The following BUB1B variants were observed in gnomAD, a reference collection of about 807,000 sequenced individuals.
BUB1B encodes BUB1 mitotic checkpoint serine/threonine kinase B.
A neutral mutation model predicts 137.7 loss-of-function variants in BUB1B; 86 were observed. The ratio of observed to expected loss-of-function variants is 0.62; its 90% CI spans 0.52 to 0.75. BUB1B has a LOEUF of 0.75. Among genes scored for constraint, BUB1B ranks in the 30% least tolerant of loss-of-function variants. BUB1B has a pLI of 0.00. For synonymous variants in BUB1B, 420 were observed against 417.9 expected (o/e 1.00, Z -0.06); for missense variants, 1,130 against 1,236.9 (o/e 0.91, Z 1.30).
At chr15:40,181,110 T>C (rs1244534435) in intron 5 of BUB1B, among the ~76,000 whole-genome samples, 2 of 134,380 alleles carry the variant, frequency 1.5e-5, no homozygotes, top group African/African-American at 2.7e-5. Context: ...TTTTTTTTTT[T>C]AGACAGAGTC....
At chr15:40,197,931 G>C (rs962739686) in intron 9 of BUB1B, among the ~76,000 whole-genome samples, 4 of 152,074 alleles carry the variant, frequency 2.6e-5, no homozygotes, top group African/African-American at 9.7e-5. Context: ...ATATGAACCA[G>C]AAAAGGAACT....
intron 18 of BUB1B, among the ~76,000 whole-genome samples, chr15:40,211,026 C>T (rs561373225): frequency 6.6e-6 from 1 of 152,282 alleles, no homozygotes; most frequent in African/African-American, 2.4e-5. Flanking sequence ...TATTTTTCCC[C>T]TCAGTTTTCT....
chr15:40,173,295 T>TAAAAAAAAAAAA (rs61078619), intron 4 of BUB1B, among the ~76,000 whole-genome samples: 3 of 85,884 alleles, frequency 3.5e-5, no homozygotes, highest in African/African-American at 7.4e-5. Context: ...GAAAAAAAGA[T>TAAAAAAAAAAAA]AAAAAAAAAA....
At chr15:40,209,202 G>A (rs759208146) in intron 16 of BUB1B, among the ~76,000 whole-genome samples, 3 of 152,158 alleles carry the variant, frequency 2.0e-5, no homozygotes, top group East Asian at 3.9e-4. Flanking sequence ...GGTGGATCAC[G>A]AGGGTCAGGA....
chr15:40,196,872 C>G, intron 9 of BUB1B, 98 bp downstream of exon 9: 1 of 1,089,158 alleles, frequency 9.2e-7, no homozygotes, highest in Admixed American at 1.9e-5. Context: ...ATAGTTTGTA[C>G]CTTTGTATGA....
At chr15:40,169,239 T>C (rs1384878299) in intron 2 of BUB1B, among the ~76,000 whole-genome samples, 1 of 152,222 alleles carries the variant, frequency 6.6e-6, no homozygotes, top group Non-Finnish European at 1.5e-5. Flanking sequence ...AAATTATTTA[T>C]AGTATTATTC....
In BUB1B at chr15:40,220,631, G is replaced by T; in HGVS notation, c.3025G>T (p.Val1009Leu). 1.9e-6 allele frequency: 3 copies of T among 1,614,218 alleles called. No homozygotes were observed. Among genetic ancestry groups the T allele is most frequent in the Non-Finnish European group, 2.5e-6 (3 of 1,180,042 alleles). The change falls in exon 23 of 23, where the codon GTG becomes TTG. Residue 1009 changes from valine to leucine, a missense_variant. Coordinates refer to ENST00000287598, the MANE Select transcript of BUB1B (RefSeq NM_001211.6). ...TCTGAATGCCAATGATGAGGCCACAGTGTCTGTTCTTGGGGAGCTTGCAGC... is the reference window on the plus strand; with the variant it reads ...TCTGAATGCCAATGATGAGGCCACATTGTCTGTTCTTGGGGAGCTTGCAGC... ...RILNANDEAT[V>L]SVLGELAAEM...
chr15:40,178,130 CTT>C (rs1412706226), intron 5 of BUB1B, among the ~76,000 whole-genome samples: 1 of 149,006 alleles, frequency 6.7e-6, no homozygotes, highest in Non-Finnish European at 1.5e-5. Context: ...ACTTGCTCTT[CTT>C]TTTGTAGTTT....
chr15:40,165,314 G>A, intron 2 of BUB1B, 118 bp downstream of exon 2: 1 of 1,348,270 alleles, frequency 7.4e-7, no homozygotes, highest in South Asian at 1.2e-5. Context: ...GGTAGTATGA[G>A]AATCTGTTCT....
chr15:40,217,311 TC>T (rs2037807132), intron 20 of BUB1B, 184 bp from the exon 21 acceptor site: 1 of 631,054 alleles, frequency 1.6e-6, no homozygotes, highest in African/African-American at 1.8e-5. Flanking sequence ...GTGGTGACAT[TC>T]CTTCCGCATT....
At position 40,202,389 on chromosome 15, in the gene BUB1B, G is replaced by T. The variant is rs372690199; in HGVS notation, c.1568-16G>T. 1.9e-6 allele frequency: 3 copies of T among 1,588,574 alleles called. No homozygotes were observed. The highest frequency in any genetic ancestry group is 8.6e-7 in the Non-Finnish European group (1 of 1,159,056). On this transcript the variant is annotated splice_polypyrimidine_tract_variant and intron_variant, in intron 12 of 22. Transcript: ENST00000287598. ...CATTTACTCCTAGAGTATGTATCTA[G>T]TCTCTCTTTCTCTAGGTCCCAGTGT...
chr15:40,207,323 G>T (rs1162755504), intron 15 of BUB1B, among the ~76,000 whole-genome samples: 2 of 152,114 alleles, frequency 1.3e-5, no homozygotes, highest in Non-Finnish European at 2.9e-5. Flanking sequence ...ATTTTGAGAG[G>T]CCAGATGCAG....
At position 40,220,814 on chromosome 15, in the gene BUB1B, AAC is replaced by A. The variant is rs757105116; in HGVS notation, c.*58_*59del. ...CCTCAGAGCAATGGTTGTATTGTGG[AAC>A]ACTGAAACTGTATGTGCTGTAATTT... On this transcript the variant is annotated 3_prime_UTR_variant, in exon 23 of 23. Coordinates refer to ENST00000287598, the MANE Select transcript of BUB1B (RefSeq NM_001211.6). 2 of 1,537,738 alleles carry A rather than the reference AAC, an allele frequency of 1.3e-6. No individual in the cohort carries two copies. Among genetic ancestry groups the A allele is most frequent in the Non-Finnish European group, 1.8e-6 (2 of 1,110,780 alleles).
chr15:40,185,446 T>C (rs1213289136), intron 7 of BUB1B, 67 bp downstream of exon 7: 2 of 1,591,864 alleles, frequency 1.3e-6, no homozygotes, highest in African/African-American at 2.7e-5. Context: ...TAGAGAAGTA[T>C]TTTTACCATC....
At chr15:40,168,687 T>G (rs2037128723) in intron 2 of BUB1B, among the ~76,000 whole-genome samples, 1 of 152,192 alleles carries the variant, frequency 6.6e-6, no homozygotes. Context: ...CCAAAGTCTT[T>G]AAATTTACAT....
chr15:40,161,617 G>A (rs1168598563), intron 1 of BUB1B, among the ~76,000 whole-genome samples: 1 of 152,214 alleles, frequency 6.6e-6, no homozygotes, highest in Non-Finnish European at 1.5e-5. Flanking sequence ...TGCCTTACGT[G>A]GTTCTGGGGG....
chr15:40,188,073 A>T (rs1366756003), intron 8 of BUB1B, among the ~76,000 whole-genome samples: 2 of 152,180 alleles, frequency 1.3e-5, no homozygotes, highest in African/African-American at 4.8e-5. Flanking sequence ...TTTGAGACGG[A>T]GTCTCACTCT....
intron 5 of BUB1B, 93 bp from the exon 6 acceptor site, chr15:40,183,621 C>T: frequency 8.9e-7 from 1 of 1,127,492 alleles, no homozygotes; most frequent in Non-Finnish European, 1.3e-6. Flanking sequence ...CCCCAGCCTG[C>T]TCTTCTAATT....
chr15:40,187,021 C>T (rs2037374657), intron 8 of BUB1B: 1 of 152,048 alleles, frequency 6.6e-6, no homozygotes, highest in Non-Finnish European at 1.5e-5. Flanking sequence ...CATGGCAGCC[C>T]ACGTTTGCCA....
Sources: allele counts gnomAD v4.1 joint callset (sites outside exome capture counted in the v4.1 genomes callset), GRCh38; gene constraint gnomAD v4.1.1; transcripts MANE v1.5; gene names NCBI Gene and HGNC (gene_info 2026-07-23, HGNC 2026-07-21).